TINAG: variants seen among roughly 807,000 people sequenced by gnomAD.
TINAG encodes the protein tubulointerstitial nephritis antigen.
In TINAG, 83 loss-of-function variants were observed where a neutral mutation model predicts 72.7. The ratio of observed to expected loss-of-function variants is 1.14; its 90% CI spans 0.96 to 1.37. The LOEUF is 1.37. Among genes scored for constraint, TINAG ranks in the 40% most tolerant of loss-of-function variants. The probability of loss-of-function intolerance (pLI) is 0.00; values close to 1 mark genes in which losing one functional copy is unlikely to be tolerated. For missense variants in TINAG, 685 were observed against 576.6 expected, an observed-to-expected ratio of 1.19 and a Z score of -1.93; for synonymous variants, 234 against 189.9, an observed-to-expected ratio of 1.23 and a Z score of -1.91.
chr6:54,311,312 G>T (rs949323826), intron 1 of TINAG, among the ~76,000 whole-genome samples: 2 of 152,044 alleles, frequency 1.3e-5, no homozygotes, highest in Non-Finnish European at 2.9e-5. Context: ...CCTCCATGGT[G>T]GGTGGACACC....
chr6:54,366,688 T>G (rs1763432476), intron 9 of TINAG, among the ~76,000 whole-genome samples: 1 of 151,254 alleles, frequency 6.6e-6, no homozygotes, highest in Admixed American at 6.6e-5. Flanking sequence ...ATACATTGAG[T>G]AGCGAAGATG....
intron 3 of TINAG, among the ~76,000 whole-genome samples, chr6:54,323,335 G>C (rs192245208): frequency 1.1e-4 from 17 of 152,248 alleles, no homozygotes; most frequent in African/African-American, 2.6e-4. Flanking sequence ...GGGCAAAAAA[G>C]GGGGGAAGTC....
intron 1 of TINAG, among the ~76,000 whole-genome samples, chr6:54,319,258 T>A (rs112691868): frequency 0.022 from 3,372 of 152,310 alleles, 54 homozygotes; most frequent in Non-Finnish European, 0.032. Context: ...GATTGTTGCA[T>A]GGATTTTCTG....
intron 9 of TINAG, among the ~76,000 whole-genome samples, chr6:54,378,948 C>T (rs1763865266): frequency 6.6e-6 from 1 of 152,100 alleles, no homozygotes; most frequent in African/African-American, 2.4e-5. Context: ...CCCAAGAGCC[C>T]TACCATAAAC....
chr6:54,372,727 C>CATATAT (rs67301819), intron 9 of TINAG, among the ~76,000 whole-genome samples: 317 of 133,738 alleles, frequency 2.4e-3, no homozygotes, highest in Admixed American at 5.8e-3. Context: ...TAAATACATA[C>CATATAT]ATATATATAT....
chr6:54,380,086 A>G lies in TINAG; in HGVS notation c.1251-440A>G, dbSNP rs560423827. On this transcript the variant is annotated intron_variant, in intron 9 of 10. Coordinates refer to ENST00000259782, the MANE Select transcript of TINAG (RefSeq NM_014464.4). ...AGAATGGTGGTTTCCAGCTTCATCTATGTCCCTGTAAAGGACATGAACTCA... is the reference window on the plus strand; with the variant it reads ...AGAATGGTGGTTTCCAGCTTCATCTGTGTCCCTGTAAAGGACATGAACTCA... Among the ~76,000 whole-genome samples the G allele has an allele frequency of 1.1e-4, 16 of 152,228 alleles. No homozygotes were observed. In the South Asian group the frequency reaches 3.3e-3, roughly 32 times the overall value.
chr6:54,325,866 T>C (rs1050490502), intron 3 of TINAG, among the ~76,000 whole-genome samples: 4 of 152,186 alleles, frequency 2.6e-5, no homozygotes, highest in Non-Finnish European at 5.9e-5. Flanking sequence ...ACAGATCTTG[T>C]ACAAATTAAA....
At chr6:54,328,933 G>A (rs527811495) in intron 4 of TINAG, among the ~76,000 whole-genome samples, 8 of 152,014 alleles carry the variant, frequency 5.3e-5, no homozygotes, top group African/African-American at 1.9e-4. Context: ...AAAAATGAAT[G>A]AAAAGGAACA....
rs151041100 is a variant in TINAG at position 54,342,822 on chromosome 6, T to G, written c.625-404T>G. Among the ~76,000 whole-genome samples, 1,320 of 152,288 alleles carry G rather than the reference T, an allele frequency of 8.7e-3. 22 individuals carry two copies. The highest frequency in any genetic ancestry group is 0.029 in the African/African-American group (1,207 of 41,564). ...TAAATGCACCCTTTCAAAATTAATTTCATCTCAGAATCACATAAACTCTTT... is the reference window on the plus strand; with the variant it reads ...TAAATGCACCCTTTCAAAATTAATTGCATCTCAGAATCACATAAACTCTTT... On this transcript the variant is annotated intron_variant, in intron 4 of 10. Transcript: ENST00000259782.
chr6:54,317,921 G>A (rs886267307), intron 1 of TINAG, among the ~76,000 whole-genome samples: 12 of 152,026 alleles, frequency 7.9e-5, no homozygotes, highest in Non-Finnish European at 5.9e-5. Context: ...ATATTCAGAT[G>A]TCTGTTTTTG....
rs1372499432 is a variant in TINAG, at chr6:54,382,588, T to C, written c.1296+2017T>C. Among the ~76,000 whole-genome samples, 3 of 152,086 alleles carry C rather than the reference T, an allele frequency of 2.0e-5. No homozygotes were observed. The South Asian group carries it at 6.2e-4, about 31-fold the overall frequency. On this transcript the variant is annotated intron_variant, in intron 10 of 10. Transcript: ENST00000259782. ...TATTATCCCACAGATATAGATGATATAGATATTGGTATAGATATAGACCTA... is the reference window on the plus strand; with the variant it reads ...TATTATCCCACAGATATAGATGATACAGATATTGGTATAGATATAGACCTA...
chr6:54,384,966 T>C (rs1047224954), intron 10 of TINAG, among the ~76,000 whole-genome samples: 1 of 152,126 alleles, frequency 6.6e-6, no homozygotes, highest in African/African-American at 2.4e-5. Flanking sequence ...ATTTAAAAAA[T>C]TGAAATTGTA....
intron 1 of TINAG, among the ~76,000 whole-genome samples, chr6:54,319,506 G>A (rs1488451376): frequency 6.6e-6 from 1 of 152,092 alleles, no homozygotes; most frequent in Non-Finnish European, 1.5e-5. Context: ...GGGATGCCTA[G>A]ACGTAAATAC....
chr6:54,356,311 G>C (rs1433410207), intron 9 of TINAG, among the ~76,000 whole-genome samples: 1 of 151,918 alleles, frequency 6.6e-6, no homozygotes, highest in Admixed American at 6.6e-5. Flanking sequence ...AAGGCGAGTG[G>C]ATTGCTTGAG....
intron 10 of TINAG, among the ~76,000 whole-genome samples, chr6:54,385,433 A>G (rs1764070542): frequency 6.6e-6 from 1 of 152,074 alleles, no homozygotes; most frequent in Non-Finnish European, 1.5e-5. Context: ...AAACTTATCA[A>G]AAACCTACAC....
chr6:54,370,467 TATTTC>T, intron 9 of TINAG, among the ~76,000 whole-genome samples: 1 of 152,170 alleles, frequency 6.6e-6, no homozygotes, highest in East Asian at 1.9e-4. Flanking sequence ...AAATAGAAAT[TATTTC>T]ATTTATTTAT....
intron 1 of TINAG, among the ~76,000 whole-genome samples, chr6:54,312,347 A>G (rs1454304892): frequency 6.6e-6 from 1 of 152,112 alleles, no homozygotes; most frequent in African/African-American, 2.4e-5. Context: ...GGCTGTTGTT[A>G]TGAATAAATG....
intron 10 of TINAG, among the ~76,000 whole-genome samples, chr6:54,384,269 G>A (rs888626508): frequency 6.6e-6 from 1 of 152,036 alleles, no homozygotes; most frequent in South Asian, 2.1e-4. Flanking sequence ...GAGTTGATGG[G>A]TGCAGAAAAC....
At chr6:54,332,711 T>C (rs1784769902) in intron 4 of TINAG, among the ~76,000 whole-genome samples, 1 of 152,254 alleles carries the variant, frequency 6.6e-6, no homozygotes, top group Admixed American at 6.5e-5. Flanking sequence ...ATTTTTGCAG[T>C]CTATCCATCT....
Sources: allele counts gnomAD v4.1 joint callset (sites outside exome capture counted in the v4.1 genomes callset), GRCh38; gene constraint gnomAD v4.1.1; transcripts MANE v1.5; gene names NCBI Gene and HGNC (gene_info 2026-07-23, HGNC 2026-07-21).